The following PSMB7 variants were observed in gnomAD, a reference collection of about 807,000 sequenced individuals.
PSMB7 encodes proteasome subunit beta type-7.
PSMB7 carries 5 observed loss-of-function variants against 28.1 expected under a neutral mutation model. The ratio of observed to expected loss-of-function variants is 0.18; its 90% CI spans 0.09 to 0.37. The LOEUF is 0.37. PSMB7 is among the 10% of genes least tolerant of loss of function. The pLI, the probability that PSMB7 is intolerant of heterozygous loss-of-function variation, is 1.00. For synonymous variants in PSMB7, 122 were observed against 123.7 expected (o/e 0.99, Z 0.09); for missense variants, 275 against 346.2 (o/e 0.79, Z 1.63).
At position 124,360,692 on chromosome 9, in the gene PSMB7, C is replaced by G. The variant is rs575129344; in HGVS notation, c.571-3777G>C. On this transcript the variant is annotated intron_variant, in intron 6 of 7. Transcript: ENST00000259457. ...GACGATTAAACACCAGCTGGGGAAC[C>G]CAGGTTCAAGGAGACATGGAGGCAG... Among the ~76,000 whole-genome samples, 50 of 152,308 alleles carry G rather than the reference C, an allele frequency of 3.3e-4. No homozygotes were observed. In the South Asian group the frequency reaches 9.3e-3, roughly 28 times the overall value.
intron 5 of PSMB7, among the ~76,000 whole-genome samples, chr9:124,394,487 C>T (rs1292571311): frequency 4.6e-5 from 7 of 152,170 alleles, no homozygotes; most frequent in African/African-American, 1.4e-4. Flanking sequence ...TTTCCTTTAA[C>T]TGTTCTGAAA....
chr9:124,414,774 C>T (rs73588260), intron 2 of PSMB7, 68 bp downstream of exon 2: 57,157 of 1,356,510 alleles, frequency 0.042, 1,661 homozygotes, highest in East Asian at 0.12. Flanking sequence ...GGAGAGACAC[C>T]GGAAGCCAAG....
At chr9:124,408,814 G>A (rs1830994447) in intron 4 of PSMB7, among the ~76,000 whole-genome samples, 1 of 152,178 alleles carries the variant, frequency 6.6e-6, no homozygotes, top group Admixed American at 6.5e-5. Context: ...CTAAGTGGCA[G>A]AACATCAGGT....
chr9:124,354,132 C>T (rs1830371030), intron 7 of PSMB7, among the ~76,000 whole-genome samples: 1 of 151,822 alleles, frequency 6.6e-6, no homozygotes, highest in Admixed American at 6.6e-5. Flanking sequence ...TTAACTGTTA[C>T]CTTAGACACT....
chr9:124,412,310 G>A, intron 4 of PSMB7, 42 bp downstream of exon 4: 1 of 1,578,818 alleles, frequency 6.3e-7, no homozygotes, highest in Non-Finnish European at 8.7e-7. Flanking sequence ...TCTAAGATAT[G>A]AGAAGAAGAT....
chr9:124,415,372 G>C lies in PSMB7; in HGVS notation c.54C>G (p.Asn18Lys). The change falls in exon 1 of 8, where the codon AAC becomes AAG. Residue 18 changes from asparagine (N) to lysine (K), a missense_variant. Coordinates refer to ENST00000259457, the MANE Select transcript of PSMB7 (RefSeq NM_002799.4). ...CCCAAGCAAGGCGGCACCTGCGGCA[G>C]TTATCAAAAGAGAAGCCTCCAACTG... ...APPVGGFSFD[N>K]CRRNAVLEAD... 2.5e-6 allele frequency: 4 copies of C among 1,614,068 alleles called. No homozygotes were observed. The highest frequency in any genetic ancestry group is 3.4e-6 in the Non-Finnish European group (4 of 1,180,002).
intron 6 of PSMB7, among the ~76,000 whole-genome samples, chr9:124,364,524 GA>G (rs10595510): frequency 0.48 from 63,851 of 131,738 alleles, 14,739 homozygotes; most frequent in East Asian, 0.73. Flanking sequence ...TGTAATCAGA[GA>G]AAAAAAAAAA....
chr9:124,375,324 C>A (rs1216298426), intron 6 of PSMB7, among the ~76,000 whole-genome samples: 1 of 152,070 alleles, frequency 6.6e-6, no homozygotes, highest in African/African-American at 2.4e-5. Context: ...CCATACCCGG[C>A]TAATTTTTTC....
At chr9:124,366,656 ACT>A (rs1259794496) in intron 6 of PSMB7, among the ~76,000 whole-genome samples, 1 of 151,868 alleles carries the variant, frequency 6.6e-6, no homozygotes, top group African/African-American at 2.4e-5. Context: ...CTCACCACCC[ACT>A]CACTGACTCA....
chr9:124,406,135 C>G (rs2131178423), intron 4 of PSMB7, among the ~76,000 whole-genome samples: 1 of 152,322 alleles, frequency 6.6e-6, no homozygotes, highest in South Asian at 2.1e-4. Flanking sequence ...TCTCTGTGAT[C>G]AGCACATAAG....
At chr9:124,369,377 G>A (rs969271132) in intron 6 of PSMB7, among the ~76,000 whole-genome samples, 3 of 152,008 alleles carry the variant, frequency 2.0e-5, no homozygotes, top group East Asian at 1.9e-4. Flanking sequence ...CTCACATTCC[G>A]CCATGCACAA....
intron 6 of PSMB7, among the ~76,000 whole-genome samples, chr9:124,376,769 C>T (rs1211586563): frequency 6.6e-6 from 1 of 152,202 alleles, no homozygotes; most frequent in Non-Finnish European, 1.5e-5. Flanking sequence ...TGGCTGAACC[C>T]ATCGGAGGGC....
chr9:124,403,805 T>C (rs1393880376), intron 5 of PSMB7, among the ~76,000 whole-genome samples: 1 of 151,858 alleles, frequency 6.6e-6, no homozygotes, highest in African/African-American at 2.4e-5. Flanking sequence ...TAGGTCAAAA[T>C]GTACCTGCCA....
intron 4 of PSMB7, among the ~76,000 whole-genome samples, chr9:124,409,509 G>A (rs1831004257): frequency 6.6e-6 from 1 of 152,122 alleles, no homozygotes; most frequent in Non-Finnish European, 1.5e-5. Flanking sequence ...GCTTAAGTAA[G>A]GGAAAAGACA....
At chr9:124,391,484 C>T (rs561862639) in intron 5 of PSMB7, among the ~76,000 whole-genome samples, 2 of 152,192 alleles carry the variant, frequency 1.3e-5, no homozygotes, top group South Asian at 2.1e-4. Context: ...TCGATTACCA[C>T]ACACATCTGG....
chr9:124,384,700 A>G lies in PSMB7; in HGVS notation c.512-44T>C, dbSNP rs765388876. On this transcript the variant is annotated intron_variant, in intron 5 of 7. Transcript: ENST00000259457. ...CTTTTAGTGTATTTTATGATATCCC[A>G]GCTTATCCATCTCAAGTTTACCTAG... is the stretch of plus-strand genomic sequence containing the variant. 4.3e-5 allele frequency: 68 copies of G among 1,589,988 alleles called. 1 individual carries two copies. The highest frequency in any genetic ancestry group is 5.7e-5 in the Non-Finnish European group (66 of 1,162,106).
intron 6 of PSMB7, 140 bp downstream of exon 6, chr9:124,384,458 C>G: frequency 1.3e-6 from 1 of 789,980 alleles, no homozygotes. Flanking sequence ...CTTCGGCAAA[C>G]AGACCATCTG....
chr9:124,354,661 T>C (rs1830379646), intron 7 of PSMB7, among the ~76,000 whole-genome samples: 1 of 152,102 alleles, frequency 6.6e-6, no homozygotes, highest in African/African-American at 2.4e-5. Context: ...CTGCCAAGCC[T>C]CCCCCGACCC....
intron 4 of PSMB7, among the ~76,000 whole-genome samples, chr9:124,409,248 G>C (rs948956689): frequency 6.6e-6 from 1 of 152,140 alleles, no homozygotes; most frequent in Non-Finnish European, 1.5e-5. Flanking sequence ...CTCCCTGAAT[G>C]GCAAAGTTTT....
Sources: allele counts gnomAD v4.1 joint callset (sites outside exome capture counted in the v4.1 genomes callset), GRCh38; gene constraint gnomAD v4.1.1; transcripts MANE v1.5; gene names NCBI Gene and HGNC (gene_info 2026-07-23, HGNC 2026-07-21).